Variants in TXNDC11 observed in about 807,000 individuals in gnomAD.
TXNDC11 encodes thioredoxin domain containing 11.
In TXNDC11, 68 loss-of-function variants were observed where a neutral mutation model predicts 78.0. The ratio of observed to expected loss-of-function variants is 0.87; its 90% CI spans 0.72 to 1.07. TXNDC11 has a LOEUF of 1.07. Ranked by LOEUF, TXNDC11 falls within the 50% of genes least tolerant of loss-of-function variation. The pLI, the probability that TXNDC11 is intolerant of heterozygous loss-of-function variation, is 0.00. For synonymous variants in TXNDC11, 571 were observed against 495.2 expected (o/e 1.15, Z -2.03); for missense variants, 1,389 against 1,221.8 (o/e 1.14, Z -2.04).
At chr16:11,682,241 G>A (rs1359325773) in intron 11 of TXNDC11, among the ~76,000 whole-genome samples, 1 of 152,216 alleles carries the variant, frequency 6.6e-6, no homozygotes. Context: ...ACCAGCTCAT[G>A]ATGAGCATAC....
chr16:11,737,784 T>A (rs2052268655), intron 1 of TXNDC11, among the ~76,000 whole-genome samples: 1 of 143,150 alleles, frequency 7.0e-6, no homozygotes, highest in Non-Finnish European at 1.5e-5. Context: ...GAGAATTGTG[T>A]AGGTTGCAGT....
At chr16:11,702,525 G>A (rs764411783) in intron 5 of TXNDC11, among the ~76,000 whole-genome samples, 5 of 151,878 alleles carry the variant, frequency 3.3e-5, no homozygotes, top group Non-Finnish European at 7.4e-5. Context: ...AAAATTATCC[G>A]GGTGTGTTGT....
At chr16:11,741,699 A>T (rs2052399706) in intron 1 of TXNDC11, among the ~76,000 whole-genome samples, 1 of 152,184 alleles carries the variant, frequency 6.6e-6, no homozygotes, top group Non-Finnish European at 1.5e-5. Flanking sequence ...CAAAAAGTTC[A>T]CCCGGACGAG....
intron 4 of TXNDC11, among the ~76,000 whole-genome samples, chr16:11,726,048 T>G (rs2051866909): frequency 6.6e-6 from 1 of 152,074 alleles, no homozygotes; most frequent in Non-Finnish European, 1.5e-5. Flanking sequence ...TGGCTAATTT[T>G]TAACATTTTG....
intron 11 of TXNDC11, among the ~76,000 whole-genome samples, chr16:11,681,621 C>T (rs2050427617): frequency 6.6e-6 from 1 of 152,196 alleles, no homozygotes; most frequent in Non-Finnish European, 1.5e-5. Context: ...AACTGTGATT[C>T]TTCCCCTGGG....
intron 8 of TXNDC11, among the ~76,000 whole-genome samples, chr16:11,689,328 G>T (rs888895133): frequency 6.6e-6 from 1 of 152,182 alleles, no homozygotes; most frequent in African/African-American, 2.4e-5. Context: ...GTGCAGAATG[G>T]AAGAGGAAGT....
chr16:11,707,645 C>T (rs1308951916), intron 5 of TXNDC11, among the ~76,000 whole-genome samples: 1 of 151,788 alleles, frequency 6.6e-6, no homozygotes, highest in Non-Finnish European at 1.5e-5. Flanking sequence ...GACAGAGTTT[C>T]ACCATGTTGG....
intron 1 of TXNDC11, among the ~76,000 whole-genome samples, chr16:11,740,956 C>T (rs2141134134): frequency 6.6e-6 from 1 of 152,224 alleles, no homozygotes; most frequent in Non-Finnish European, 1.5e-5. Flanking sequence ...CTAACAATGT[C>T]TGAAGCCATT....
rs1316868731 is a variant in TXNDC11 at position 11,734,077 on chromosome 16, C to T, written c.474G>A (p.Val158=). Residue 158 remains valine, a splice_region_variant and synonymous_variant, in exon 3 of 12, where the codon GTG becomes GTA. Transcript: ENST00000283033. ...EQAASRLSDQ[V]LFVAINCWWN... ...ACCAACAGTTAATTGCCACAAACAACACCTGCAGAGCCAAAAAAGGTTTTC... is the reference window on the plus strand; with the variant it reads ...ACCAACAGTTAATTGCCACAAACAATACCTGCAGAGCCAAAAAAGGTTTTC... 8 of 1,593,086 alleles carry T rather than the reference C, an allele frequency of 5.0e-6. No individual in the cohort carries two copies. In the South Asian group the frequency reaches 8.1e-5, roughly 16 times the overall value.
chr16:11,698,366 G>C, intron 6 of TXNDC11, 41 bp from the exon 7 acceptor site: 1 of 1,582,966 alleles, frequency 6.3e-7, no homozygotes, highest in South Asian at 1.1e-5. Flanking sequence ...GAGAGCTCGT[G>C]AGGTGGGGCA....
In TXNDC11 at chr16:11,691,364, G is replaced by A. The variant is rs17674449; in HGVS notation, c.1826C>T (p.Ala609Val). Residue 609 changes from alanine to valine, a missense_variant, in exon 8 of 12, where the codon GCG becomes GTG. Coordinates refer to ENST00000283033, the MANE Select transcript of TXNDC11 (RefSeq NM_015914.7). ...APSSTQVKEFAAIVDVKEESH... is the reference protein window; with the variant it reads ...APSSTQVKEFVAIVDVKEESH... ...TTCTTCTTTCACGTCAACAATTGCC[G>A]CAAATTCTTTCACCTGAGTGGAGCT... The A allele has an allele frequency of 2.0e-3, 3,182 of 1,614,118 alleles. 6 individuals are homozygous for A. Among genetic ancestry groups the A allele is most frequent in the Admixed American group, 6.6e-3 (398 of 60,008 alleles).
chr16:11,721,242 C>G (rs965744644), intron 5 of TXNDC11: 1 of 181,998 alleles, frequency 5.5e-6, no homozygotes, highest in African/African-American at 2.4e-5. Flanking sequence ...AGTTCGAGAC[C>G]AGCCTGGCCA....
rs561356020 is a variant in TXNDC11, at chr16:11,722,350, G to A, written c.700-680C>T. Among the ~76,000 whole-genome samples, 38 of 152,284 alleles carry A rather than the reference G, an allele frequency of 2.5e-4. 1 individual carries two copies. Among genetic ancestry groups the A allele is most frequent in the African/African-American group, 8.7e-4 (36 of 41,548 alleles). ...CACTTCTCTAAGCTGGGCGTAGAAT[G>A]CCCCTTCATTCTGCCAAACCAATTA... On this transcript the variant is annotated intron_variant, in intron 4 of 11. Transcript: ENST00000283033.
At chr16:11,697,081 T>C (rs1287319160) in intron 7 of TXNDC11, among the ~76,000 whole-genome samples, 1 of 152,232 alleles carries the variant, frequency 6.6e-6, no homozygotes, top group East Asian at 1.9e-4. Context: ...AGAAATAGTT[T>C]TATTACTTTG....
chr16:11,725,725 A>G (rs1163040474), intron 4 of TXNDC11, among the ~76,000 whole-genome samples: 1 of 152,260 alleles, frequency 6.6e-6, no homozygotes, highest in Non-Finnish European at 1.5e-5. Context: ...TGCATAGTTT[A>G]TGCATTACTT....
chr16:11,734,176 C>T lies in TXNDC11; in HGVS notation c.472-97G>A, dbSNP rs2052150316. ...AATTTAAAAATAGAATGATTCCTCT[C>T]TCACTGAAACAGAAACTATGAAAAA... On this transcript the variant is annotated intron_variant, in intron 2 of 11. Coordinates refer to ENST00000283033, the MANE Select transcript of TXNDC11 (RefSeq NM_015914.7). 6 of 807,114 alleles carry T rather than the reference C, an allele frequency of 7.4e-6. No individual in the cohort carries two copies. The South Asian group carries it at 7.6e-5, about 10-fold the overall frequency. The allele number at this position is 807,114 out of a possible 1,614,324, so 50.0% of individuals were successfully genotyped here. A position where few individuals can be genotyped will look rare whatever the true frequency, so the allele number is the denominator to read the frequency against.
At position 11,698,287 on chromosome 16, in the gene TXNDC11, G is replaced by A. The variant is rs768189879; in HGVS notation, c.945C>T (p.Asn315=). Residue 315 remains asparagine, a synonymous_variant, in exon 7 of 12, where the codon AAC becomes AAT. Transcript: ENST00000283033. The stretch of plus-strand genomic sequence containing the variant: ...GGTTTTCTAAGGCCCACTTACAGAT[G>A]TTCTCAGCTGTGTAGTTCAGGACCT... ...PREVLNYTAE[N]ICKWALENQE... The A allele has an allele frequency of 6.2e-7, 1 of 1,613,866 alleles. No individual in the cohort carries two copies. The highest frequency in any genetic ancestry group is 1.3e-5 in the African/African-American group (1 of 74,914).
chr16:11,697,891 C>A (rs1323728439), intron 7 of TXNDC11, among the ~76,000 whole-genome samples: 1 of 152,226 alleles, frequency 6.6e-6, no homozygotes, highest in Non-Finnish European at 1.5e-5. Flanking sequence ...CCCACTCACT[C>A]CAGACACCAA....
intron 1 of TXNDC11, among the ~76,000 whole-genome samples, chr16:11,736,742 C>T (rs190872480): frequency 2.1e-3 from 313 of 152,306 alleles, no homozygotes; most frequent in Non-Finnish European, 3.7e-3. Context: ...ATTCAGGTAA[C>T]AGTAACAATT....
Sources: allele counts gnomAD v4.1 joint callset (sites outside exome capture counted in the v4.1 genomes callset), GRCh38; gene constraint gnomAD v4.1.1; transcripts MANE v1.5; gene names NCBI Gene and HGNC (gene_info 2026-07-23, HGNC 2026-07-21).